TNIK: variants seen among roughly 807,000 people sequenced by gnomAD.
TNIK encodes TRAF2 and NCK interacting kinase.
TNIK carries 49 observed loss-of-function variants against 191.3 expected under a neutral mutation model. The observed-to-expected ratio is 0.26, with a 90% CI of 0.20 to 0.32. The LOEUF (loss-of-function observed/expected upper bound fraction) is 0.32, where lower values mean the gene tolerates loss of function less well. TNIK is among the 10% of genes least tolerant of loss of function. TNIK has a pLI of 1.00. For synonymous variants in TNIK, 594 were observed against 600.9 expected, an observed-to-expected ratio of 0.99 and a Z score of 0.17; for missense variants, 1,155 against 1,702.3, an observed-to-expected ratio of 0.68 and a Z score of 5.66.
chr3:171,145,287 C>T (rs1463793948), intron 12 of TNIK, among the ~76,000 whole-genome samples: 1 of 152,024 alleles, frequency 6.6e-6, no homozygotes, highest in Non-Finnish European at 1.5e-5. Flanking sequence ...GGGGTATCAC[C>T]GTGTTAGCCA....
chr3:171,070,131 T>A (rs1253263094), intron 29 of TNIK, among the ~76,000 whole-genome samples: 1 of 152,264 alleles, frequency 6.6e-6, no homozygotes, highest in Admixed American at 6.5e-5. Context: ...AGTACCACTT[T>A]GGCTTTTAGG....
chr3:171,227,150 G>A (rs1743066583), intron 3 of TNIK, among the ~76,000 whole-genome samples: 2 of 152,076 alleles, frequency 1.3e-5, no homozygotes. Flanking sequence ...ATCCTTTCGA[G>A]TCAGATTTTT....
chr3:171,330,001 C>T (rs1756237051), intron 2 of TNIK, among the ~76,000 whole-genome samples: 2 of 152,124 alleles, frequency 1.3e-5, no homozygotes, highest in Non-Finnish European at 2.9e-5. Context: ...GGAGGGAGGA[C>T]CTGAAGGAAA....
chr3:171,225,394 C>A, intron 3 of TNIK: 1 of 291,634 alleles, frequency 3.4e-6, no homozygotes, highest in Admixed American at 4.9e-5. Context: ...GTTAAATAAT[C>A]ATCAATGACA....
intron 1 of TNIK, among the ~76,000 whole-genome samples, chr3:171,454,100 T>C (rs73173687): frequency 0.05 from 7,560 of 152,302 alleles, 357 homozygotes; most frequent in African/African-American, 0.11. Context: ...AGAGAGCTAC[T>C]TCCCCCACAG....
chr3:171,288,320 T>TAA (rs76914464), intron 2 of TNIK, among the ~76,000 whole-genome samples: 9 of 138,600 alleles, frequency 6.5e-5, no homozygotes, highest in South Asian at 2.3e-4. Context: ...AAGTATAATT[T>TAA]AAAAAAAAAA....
rs903389919 is a variant in TNIK, at chr3:171,138,415, C to G, written c.1420-36G>C. 2.7e-6 allele frequency: 4 copies of G among 1,470,600 alleles called. No individual in the cohort carries two copies. In the African/African-American group the frequency reaches 4.2e-5, roughly 16 times the overall value. The allele number at this position is 1,470,600 out of a possible 1,614,324, so 91.1% of individuals were successfully genotyped here. On this transcript the variant is annotated intron_variant, in intron 14 of 32. Coordinates refer to ENST00000436636, the MANE Select transcript of TNIK (RefSeq NM_015028.4). ...CAGGAAAGAGGAGCAAAGAAAAGGC[C>G]AAATTATCACATAGAAATCATCGGC...
intron 4 of TNIK, among the ~76,000 whole-genome samples, chr3:171,205,782 A>G (rs990715520): frequency 1.4e-4 from 22 of 152,228 alleles, no homozygotes; most frequent in African/African-American, 5.3e-4. Context: ...GGTCTTTCCA[A>G]TGGCCTGCAA....
At chr3:171,207,985 G>T (rs6762689) in intron 4 of TNIK, among the ~76,000 whole-genome samples, 4 of 152,084 alleles carry the variant, frequency 2.6e-5, no homozygotes, top group Admixed American at 2.0e-4. Flanking sequence ...AGAACAGCCC[G>T]GTGGTAGCAA....
At chr3:171,115,346 G>A (rs1471638839) in intron 18 of TNIK, among the ~76,000 whole-genome samples, 1 of 152,216 alleles carries the variant, frequency 6.6e-6, no homozygotes, top group African/African-American at 2.4e-5. Flanking sequence ...ACCGGACCAG[G>A]ATTAGGGATG....
chr3:171,326,776 ATTGT>A (rs928319298), intron 2 of TNIK, among the ~76,000 whole-genome samples: 1 of 152,212 alleles, frequency 6.6e-6, no homozygotes, highest in Non-Finnish European at 1.5e-5. Flanking sequence ...AGGTAATAAT[ATTGT>A]TTAATTTATT....
chr3:171,148,497 G>T (rs1002489817), intron 12 of TNIK, among the ~76,000 whole-genome samples: 1 of 152,156 alleles, frequency 6.6e-6, no homozygotes, highest in African/African-American at 2.4e-5. Context: ...GAATGTTAGT[G>T]TGAAAGTCAA....
intron 2 of TNIK, among the ~76,000 whole-genome samples, chr3:171,287,706 C>T (rs2108221998): frequency 6.6e-6 from 1 of 152,302 alleles, no homozygotes; most frequent in South Asian, 2.1e-4. Flanking sequence ...TCAGTATTTA[C>T]AGTACTGACA....
rs774037220 is a variant in TNIK at position 171,084,120 on chromosome 3, A to AT, written c.3169+34dup. On this transcript the variant is annotated intron_variant, in intron 26 of 32. Transcript: ENST00000436636. ...AGGGTCAGTTCATTAATGAGTGGTT[A>AT]TTTAAAAAAAAAAAAAAAAAAAGCA... 2.2e-4 allele frequency: 324 copies of AT among 1,465,812 alleles called. No individual in the cohort carries two copies. The African/African-American group carries it at 4.5e-3, about 20-fold the overall frequency. 90.8% of individuals were successfully genotyped at this position (1,465,812 alleles called of 1,614,324 possible).
At position 171,228,224 on chromosome 3, in the gene TNIK, G is replaced by T. The variant is rs770047989; in HGVS notation, c.124-3C>A. On this transcript the variant is annotated splice_polypyrimidine_tract_variant and splice_region_variant and intron_variant, in intron 2 of 32. Coordinates refer to ENST00000436636, the MANE Select transcript of TNIK (RefSeq NM_015028.4). The stretch of plus-strand genomic sequence containing the variant: ...TGGCCCGTTTTGACATGACGACCCT[G>T]TGAAGAAAAAATAATAACAAAAGAT... 6.2e-7 allele frequency: 1 copy of T among 1,613,294 alleles called. No individual in the cohort carries two copies. The highest frequency in any genetic ancestry group is 1.3e-5 in the African/African-American group (1 of 74,842).
intron 2 of TNIK, among the ~76,000 whole-genome samples, chr3:171,267,017 T>C (rs376267780): frequency 6.6e-6 from 1 of 152,230 alleles, no homozygotes; most frequent in Admixed American, 6.5e-5. Context: ...TTCAGCATTA[T>C]AAATTTTTTC....
intron 1 of TNIK, among the ~76,000 whole-genome samples, chr3:171,412,864 G>T (rs144083293): frequency 2.6e-5 from 4 of 152,158 alleles, no homozygotes; most frequent in Non-Finnish European, 4.4e-5. Context: ...TCAATCAATG[G>T]TAACTATTTT....
chr3:171,092,555 G>T (rs1341324749), intron 23 of TNIK, among the ~76,000 whole-genome samples: 1 of 152,200 alleles, frequency 6.6e-6, no homozygotes, highest in Admixed American at 6.5e-5. Flanking sequence ...CACATGAAGA[G>T]ATTTATATGC....
intron 12 of TNIK, among the ~76,000 whole-genome samples, chr3:171,143,865 CT>C (rs1731182111): frequency 6.6e-6 from 1 of 152,154 alleles, no homozygotes; most frequent in Non-Finnish European, 1.5e-5. Context: ...CTGGAACATT[CT>C]TTTATATTGA....
Sources: gnomAD v4.1 joint callset for allele counts (sites outside exome capture counted in the v4.1 genomes callset) on GRCh38, gnomAD v4.1.1 for gene constraint, MANE v1.5 for transcripts, NCBI Gene and HGNC (gene_info 2026-07-23, HGNC 2026-07-21) for gene names.